The following ERBB4 variants were observed in gnomAD, a reference collection of about 807,000 sequenced individuals.
ERBB4 encodes the protein receptor tyrosine-protein kinase erbB-4.
In ERBB4, 42 loss-of-function variants were observed where a neutral mutation model predicts 158.0. The ratio of observed to expected loss-of-function variants is 0.27; its 90% CI spans 0.21 to 0.34. ERBB4 has a LOEUF of 0.34. Ranked by LOEUF, ERBB4 falls within the 10% of genes least tolerant of loss-of-function variation. The pLI is 1.00. For missense variants in ERBB4, 1,333 were observed against 1,624.1 expected (o/e 0.82, Z 3.08); for synonymous variants, 583 against 558.7 (o/e 1.04, Z -0.61).
At chr2:211,927,631 T>G (rs1438372369) in intron 3 of ERBB4, among the ~76,000 whole-genome samples, 1 of 152,150 alleles carries the variant, frequency 6.6e-6, no homozygotes, top group African/African-American at 2.4e-5. Context: ...CCACATATGC[T>G]TTAAACTTTG....
intron 19 of ERBB4, among the ~76,000 whole-genome samples, chr2:211,600,907 A>T (rs770976842): frequency 1.4e-4 from 22 of 152,274 alleles, no homozygotes; most frequent in Non-Finnish European, 2.9e-4. Context: ...TTTTGAGTTA[A>T]CTAAGGTGGG....
chr2:211,420,698 T>A, intron 24 of ERBB4, 87 bp from the exon 25 acceptor site: 1 of 1,174,092 alleles, frequency 8.5e-7, no homozygotes, highest in Middle Eastern at 2.3e-4. Flanking sequence ...TGTAATATCA[T>A]AACAAATGGT....
intron 20 of ERBB4, among the ~76,000 whole-genome samples, chr2:211,560,325 A>G (rs1441191274): frequency 2.5e-5 from 3 of 119,490 alleles, no homozygotes; most frequent in African/African-American, 1.0e-4. Context: ...CCCAGGCTGC[A>G]GTGCAGTGGT....
chr2:212,321,038 T>C (rs1430196872), intron 1 of ERBB4, among the ~76,000 whole-genome samples: 2 of 150,220 alleles, frequency 1.3e-5, no homozygotes, highest in African/African-American at 4.8e-5. Context: ...TGAAAAACTC[T>C]CACTGTAGAG....
At chr2:211,689,203 CTGTT>C (rs886486740) in intron 12 of ERBB4, among the ~76,000 whole-genome samples, 4 of 152,066 alleles carry the variant, frequency 2.6e-5, no homozygotes, top group East Asian at 1.9e-4. Flanking sequence ...TAAATGGAAT[CTGTT>C]TGTTTGAAAC....
At chr2:211,522,097 CA>C (rs2066201978) in intron 20 of ERBB4, among the ~76,000 whole-genome samples, 1 of 152,206 alleles carries the variant, frequency 6.6e-6, no homozygotes, top group South Asian at 2.1e-4. Flanking sequence ...AAATGAATTT[CA>C]AAAGGGTATA....
At chr2:211,892,492 T>G (rs944361881) in intron 3 of ERBB4, among the ~76,000 whole-genome samples, 3 of 136,062 alleles carry the variant, frequency 2.2e-5, no homozygotes, top group Non-Finnish European at 4.7e-5. Context: ...CTTTGAAAAC[T>G]GGCACAAGAC....
chr2:212,185,021 C>CTTTTTTTTTTCTTT (rs754175490), intron 1 of ERBB4, among the ~76,000 whole-genome samples: 7 of 132,510 alleles, frequency 5.3e-5, no homozygotes, highest in Non-Finnish European at 8.3e-5. Flanking sequence ...ACTTTTTTTT[C>CTTTTTTTTTTCTTT]TTTTTTTTTT....
Position 211,610,871 on chromosome 2 carries a change from G to A in ERBB4, c.2301+8306C>T, listed in dbSNP as rs13395854. 8.0e-3 allele frequency among the ~76,000 whole-genome samples: 1,212 copies of A among 152,220 alleles called. 17 individuals are homozygous for A. The highest frequency in any genetic ancestry group is 0.028 in the African/African-American group (1,153 of 41,556). On this transcript the variant is annotated intron_variant, in intron 19 of 27. Coordinates refer to ENST00000342788, the MANE Select transcript of ERBB4 (RefSeq NM_005235.3). ...GAAATGCTTCGGAGAAACAGAGGCA[G>A]ACAAAAAGTTAATTAAGTTACAGGT...
At chr2:211,945,436 G>T (rs2080660161) in intron 3 of ERBB4, among the ~76,000 whole-genome samples, 1 of 151,912 alleles carries the variant, frequency 6.6e-6, no homozygotes, top group Admixed American at 6.6e-5. Context: ...CTACCATTTT[G>T]TTGCACTTTC....
At chr2:212,043,117 A>G (rs1253968338) in intron 2 of ERBB4, among the ~76,000 whole-genome samples, 1 of 152,174 alleles carries the variant, frequency 6.6e-6, no homozygotes, top group Non-Finnish European at 1.5e-5. Context: ...TAGTACCTTT[A>G]TGCTTTGAAA....
At chr2:211,667,011 T>C (rs2071657512) in intron 14 of ERBB4, among the ~76,000 whole-genome samples, 1 of 152,082 alleles carries the variant, frequency 6.6e-6, no homozygotes, top group Non-Finnish European at 1.5e-5. Flanking sequence ...GTGTCCAGTG[T>C]TTTGGCTTCC....
At chr2:212,347,556 T>G (rs1418234488) in intron 1 of ERBB4, among the ~76,000 whole-genome samples, 1 of 152,122 alleles carries the variant, frequency 6.6e-6, no homozygotes, top group East Asian at 1.9e-4. Flanking sequence ...TAATCCAGGT[T>G]GAGCATCCCT....
intron 1 of ERBB4, among the ~76,000 whole-genome samples, chr2:212,160,504 A>G (rs1239451105): frequency 2.6e-5 from 4 of 152,022 alleles, no homozygotes; most frequent in Non-Finnish European, 5.9e-5. Flanking sequence ...TTATAAATGT[A>G]TATCAGTGTG....
chr2:211,913,617 ATATGTGTGTG>A (rs1184680756), intron 3 of ERBB4, among the ~76,000 whole-genome samples: 5 of 118,430 alleles, frequency 4.2e-5, no homozygotes, highest in South Asian at 2.7e-4. Context: ...ATATATATAT[ATATGTGTGTG>A]TGTGTGTGTG....
chr2:212,242,674 CA>C (rs201530818), intron 1 of ERBB4, among the ~76,000 whole-genome samples: 170 of 146,370 alleles, frequency 1.2e-3, no homozygotes, highest in Middle Eastern at 7.0e-3. Context: ...AGTGAAAAAA[CA>C]AAAAAAAAAT....
intron 20 of ERBB4, among the ~76,000 whole-genome samples, chr2:211,518,898 T>C (rs1005067453): frequency 6.6e-6 from 1 of 152,172 alleles, no homozygotes; most frequent in Non-Finnish European, 1.5e-5. Flanking sequence ...GTAATTTACT[T>C]ATTTTTAAAA....
chr2:212,222,426 C>T (rs979930950), intron 1 of ERBB4, among the ~76,000 whole-genome samples: 10 of 151,462 alleles, frequency 6.6e-5, no homozygotes, highest in African/African-American at 2.4e-4. Flanking sequence ...TAAGAGAAAT[C>T]AACTCACTCC....
intron 19 of ERBB4, among the ~76,000 whole-genome samples, chr2:211,600,793 TG>T (rs2068776314): frequency 6.6e-6 from 1 of 152,110 alleles, no homozygotes; most frequent in South Asian, 2.1e-4. Context: ...AATGTCCACA[TG>T]GTGAGCCAAA....
Sources: gnomAD v4.1 joint callset for allele counts (sites outside exome capture counted in the v4.1 genomes callset) on GRCh38, gnomAD v4.1.1 for gene constraint, MANE v1.5 for transcripts, NCBI Gene and HGNC (gene_info 2026-07-23, HGNC 2026-07-21) for gene names.